SPOCK3: variants seen among roughly 807,000 people sequenced by gnomAD.
SPOCK3 encodes the protein SPARC (osteonectin), cwcv and kazal like domains proteoglycan 3.
Under a neutral mutation model 56.6 loss-of-function variants are expected in SPOCK3, and 30 were observed. The ratio of observed to expected loss-of-function variants is 0.53; its 90% CI spans 0.40 to 0.72. The LOEUF (loss-of-function observed/expected upper bound fraction) is 0.72. Ranked by LOEUF, SPOCK3 falls within the 30% of genes least tolerant of loss-of-function variation. SPOCK3 has a pLI of 0.00. For missense variants in SPOCK3, 527 were observed against 530.0 expected (o/e 0.99, Z 0.06); for synonymous variants, 196 against 183.3 (o/e 1.07, Z -0.56).
chr4:167,022,420 G>A (rs1387221205), intron 3 of SPOCK3, among the ~76,000 whole-genome samples: 1 of 151,946 alleles, frequency 6.6e-6, no homozygotes, highest in Non-Finnish European at 1.5e-5. Flanking sequence ...CTAATGTGTA[G>A]GAACATACCA....
At chr4:166,863,082 C>T (rs1731407439) in intron 6 of SPOCK3, among the ~76,000 whole-genome samples, 1 of 151,996 alleles carries the variant, frequency 6.6e-6, no homozygotes, top group Admixed American at 6.6e-5. Flanking sequence ...ACCCTACAAG[C>T]CAAAAGAGAG....
chr4:166,745,930 G>C (rs11732467), intron 8 of SPOCK3, among the ~76,000 whole-genome samples: 2 of 152,178 alleles, frequency 1.3e-5, no homozygotes, highest in African/African-American at 2.4e-5. Context: ...TCAACAAGAA[G>C]AGCTAACTAT....
chr4:167,054,127 C>T (rs1580137183), intron 3 of SPOCK3, among the ~76,000 whole-genome samples: 1 of 152,196 alleles, frequency 6.6e-6, no homozygotes, highest in East Asian at 1.9e-4. Context: ...TTATCGTGTG[C>T]TGGAGAAAAT....
intron 3 of SPOCK3, among the ~76,000 whole-genome samples, chr4:167,044,255 A>C (rs2150206959): frequency 6.6e-6 from 1 of 152,112 alleles, no homozygotes; most frequent in Admixed American, 6.5e-5. Flanking sequence ...TTTACTTATT[A>C]TCCTTTTAAT....
chr4:167,172,384 G>C (rs1561289987), intron 2 of SPOCK3, among the ~76,000 whole-genome samples: 1 of 152,128 alleles, frequency 6.6e-6, no homozygotes, highest in Non-Finnish European at 1.5e-5. Context: ...ATACCCAACA[G>C]AGAGTCATTC....
rs528185160 is a variant in SPOCK3, at chr4:166,801,690, A to T, written c.590-9401T>A. On this transcript the variant is annotated intron_variant, in intron 6 of 10. Coordinates refer to ENST00000357545, the MANE Select transcript of SPOCK3 (RefSeq NM_001040159.2). ...AAATTCCAGAAAATATTTCAAATAT[A>T]TTTAAAATGTGCATTGTTTTATTTA... is the stretch of plus-strand genomic sequence containing the variant. Among the ~76,000 whole-genome samples, 5 of 152,322 alleles carry T rather than the reference A, an allele frequency of 3.3e-5. No homozygotes were observed. The South Asian group carries it at 8.3e-4, about 25-fold the overall frequency.
chr4:167,019,438 T>G, intron 3 of SPOCK3, among the ~76,000 whole-genome samples: 1 of 151,918 alleles, frequency 6.6e-6, no homozygotes, highest in South Asian at 2.1e-4. Flanking sequence ...ATACGTGATA[T>G]ACATAGAGTT....
rs200728520 is a variant in SPOCK3 at position 167,108,992 on chromosome 4, T to TTATATATATATATAAATATATACTTA, written c.190-46456_190-46455insTAAGTATATATTTATATATATATATA. On this transcript the variant is annotated intron_variant, in intron 2 of 10. Coordinates refer to ENST00000357545, the MANE Select transcript of SPOCK3 (RefSeq NM_001040159.2). ...ATATATAAATATTATAAATATATATTTATATATATATAAATATATACTTAT... is the reference window on the plus strand; with the variant it reads ...ATATATAAATATTATAAATATATATTTATATATATATATAAATATATACTTATATATATATATAAATATATACTTAT... 6.9e-3 allele frequency among the ~76,000 whole-genome samples: 60 copies of TTATATATATATATAAATATATACTTA among 8,704 alleles called. 15 individuals are homozygous for TTATATATATATATAAATATATACTTA. The highest frequency in any genetic ancestry group is 0.034 in the African/African-American group (55 of 1,632). The allele number at this position is 8,704 out of a possible 152,430, so 5.7% of individuals were successfully genotyped here.
chr4:166,982,949 C>G (rs545989044), intron 4 of SPOCK3, among the ~76,000 whole-genome samples: 1 of 152,226 alleles, frequency 6.6e-6, no homozygotes, highest in East Asian at 1.9e-4. Context: ...TCCCTAAGTT[C>G]TTTCCTGAGG....
intron 4 of SPOCK3, among the ~76,000 whole-genome samples, chr4:166,955,575 A>T (rs1054749845): frequency 1.5e-4 from 22 of 143,868 alleles, no homozygotes; most frequent in Admixed American, 7.7e-4. Context: ...AATTTAATAT[A>T]ATTAAATTAT....
At chr4:167,205,321 TATATAATATATA>T (rs1734017487) in intron 2 of SPOCK3, among the ~76,000 whole-genome samples, 3 of 53,570 alleles carry the variant, frequency 5.6e-5, no homozygotes, top group Admixed American at 3.6e-4. Context: ...ATATTTTATA[TATATAATATATA>T]TTATATATTA....
intron 2 of SPOCK3, among the ~76,000 whole-genome samples, chr4:167,146,584 G>A (rs988832018): frequency 3.9e-5 from 6 of 151,900 alleles, no homozygotes; most frequent in East Asian, 3.9e-4. Flanking sequence ...CAGCAAATGC[G>A]AAAGAACGGA....
chr4:167,086,051 A>C (rs1561200481), intron 2 of SPOCK3, among the ~76,000 whole-genome samples: 2 of 152,072 alleles, frequency 1.3e-5, no homozygotes, highest in Admixed American at 6.6e-5. Flanking sequence ...ACAGTTCTTC[A>C]CTAATGTATT....
In SPOCK3 at chr4:166,850,709, C is replaced by T. The variant is rs138931219; in HGVS notation, c.589+38421G>A. 2.7e-3 allele frequency among the ~76,000 whole-genome samples: 414 copies of T among 152,310 alleles called. 10 individuals carry two copies. The East Asian group carries it at 0.061, about 22-fold the overall frequency. On this transcript the variant is annotated intron_variant, in intron 6 of 10. Coordinates refer to ENST00000357545, the MANE Select transcript of SPOCK3 (RefSeq NM_001040159.2). The stretch of plus-strand genomic sequence containing the variant: ...CGTAGTCAAAGAAAGGGGTGACAGA[C>T]GGCACCTGGAAAATCGGGTCACTCC...
Position 166,748,374 on chromosome 4 carries a change from A to C in SPOCK3, c.931+6134T>G, listed in dbSNP as rs1453534741. Among the ~76,000 whole-genome samples the C allele has an allele frequency of 5.3e-4, 73 of 137,270 alleles. 20 individuals are homozygous for C. The highest frequency in any genetic ancestry group is 2.0e-3 in the African/African-American group (65 of 32,140). 90.1% of individuals were successfully genotyped at this position (137,270 alleles called of 152,430 possible). A position where few individuals can be genotyped will look rare whatever the true frequency, so the allele number is the denominator to read the frequency against. ...GATCTTTGACAAACCTGACAAAAAC[A>C]AGAAATGGGGAAAGGATTCCCTTTT... is the stretch of plus-strand genomic sequence containing the variant. On this transcript the variant is annotated intron_variant, in intron 8 of 10. Coordinates refer to ENST00000357545, the MANE Select transcript of SPOCK3 (RefSeq NM_001040159.2).
chr4:166,818,487 A>T (rs1579315172), intron 6 of SPOCK3, among the ~76,000 whole-genome samples: 1 of 152,048 alleles, frequency 6.6e-6, no homozygotes, highest in African/African-American at 2.4e-5. Context: ...TTCCCTTGGC[A>T]TGATTAAGTG....
At chr4:166,802,102 A>G (rs886356831) in intron 6 of SPOCK3, among the ~76,000 whole-genome samples, 2 of 152,198 alleles carry the variant, frequency 1.3e-5, no homozygotes, top group African/African-American at 4.8e-5. Context: ...TAGACAATAC[A>G]TGTACAAAAC....
intron 6 of SPOCK3, among the ~76,000 whole-genome samples, chr4:166,823,450 A>C (rs1390955645): frequency 6.6e-6 from 1 of 152,074 alleles, no homozygotes; most frequent in East Asian, 1.9e-4. Flanking sequence ...GCTGAGATTT[A>C]GGTATTGTCT....
At chr4:167,227,715 G>C (rs1736733026) in intron 2 of SPOCK3, among the ~76,000 whole-genome samples, 1 of 152,058 alleles carries the variant, frequency 6.6e-6, no homozygotes, top group Non-Finnish European at 1.5e-5. Flanking sequence ...TCAAAGATCA[G>C]CCTTTAAAAA....
Sources: gnomAD v4.1 joint callset for allele counts (sites outside exome capture counted in the v4.1 genomes callset) on GRCh38, gnomAD v4.1.1 for gene constraint, MANE v1.5 for transcripts, NCBI Gene and HGNC (gene_info 2026-07-23, HGNC 2026-07-21) for gene names.